Variants in CNTN6 observed in about 807,000 individuals in gnomAD.
The protein encoded by CNTN6 is contactin-6.
In CNTN6, 137 loss-of-function variants were observed where a neutral mutation model predicts 122.8. The ratio of observed to expected loss-of-function variants is 1.12; its 90% CI spans 0.97 to 1.29. CNTN6 has a LOEUF of 1.29. Among genes scored for constraint, CNTN6 ranks in the 50% most tolerant of loss-of-function variants. The pLI, the probability that CNTN6 is intolerant of heterozygous loss-of-function variation, is 0.00. For synonymous variants in CNTN6, 570 were observed against 426.0 expected, an observed-to-expected ratio of 1.34 and a Z score of -4.16; for missense variants, 1,634 against 1,223.4, an observed-to-expected ratio of 1.34 and a Z score of -5.01.
At chr3:1,260,261 G>A (rs1041886038) in intron 4 of CNTN6, among the ~76,000 whole-genome samples, 16 of 152,028 alleles carry the variant, frequency 1.1e-4, no homozygotes, top group Admixed American at 6.6e-4. Context: ...GTTTGTTTTC[G>A]GGAGTCAATT....
intron 4 of CNTN6, among the ~76,000 whole-genome samples, chr3:1,258,399 G>A (rs923863281): frequency 6.6e-6 from 1 of 152,030 alleles, no homozygotes; most frequent in East Asian, 1.9e-4. Flanking sequence ...TCAAAGCTTA[G>A]CAATAAAATA....
intron 11 of CNTN6, among the ~76,000 whole-genome samples, chr3:1,345,140 A>G (rs1206776803): frequency 6.7e-6 from 1 of 149,442 alleles, no homozygotes; most frequent in East Asian, 2.0e-4. Flanking sequence ...TTTTTGAGAC[A>G]GGGTCTCACT....
chr3:1,337,945 A>G (rs1018402518), intron 11 of CNTN6, among the ~76,000 whole-genome samples: 2 of 151,876 alleles, frequency 1.3e-5, no homozygotes, highest in Admixed American at 6.6e-5. Flanking sequence ...TGGGGCACTC[A>G]CCTTTCACAC....
At chr3:1,157,767 G>GTGCC (rs1261745734) in intron 2 of CNTN6, among the ~76,000 whole-genome samples, 1 of 151,770 alleles carries the variant, frequency 6.6e-6, no homozygotes, top group Non-Finnish European at 1.5e-5. Flanking sequence ...TTGTCTTTCT[G>GTGCC]TGCCTGACTT....
intron 4 of CNTN6, among the ~76,000 whole-genome samples, chr3:1,253,092 A>G (rs1015694442): frequency 2.0e-5 from 3 of 152,050 alleles, no homozygotes; most frequent in African/African-American, 7.2e-5. Context: ...ATCCTCTTTT[A>G]TTTTGCCAGC....
chr3:1,199,563 T>C (rs949962538), intron 2 of CNTN6, among the ~76,000 whole-genome samples: 2 of 152,180 alleles, frequency 1.3e-5, no homozygotes, highest in African/African-American at 4.8e-5. Context: ...TATTTTTAAA[T>C]GGCTATTTGA....
intron 19 of CNTN6, among the ~76,000 whole-genome samples, chr3:1,384,859 G>C (rs17193397): frequency 0.52 from 75,896 of 145,968 alleles, 20,885 homozygotes; most frequent in East Asian, 0.81. Flanking sequence ...CCAACAGAAA[G>C]TTCTACTCTC....
intron 1 of CNTN6, among the ~76,000 whole-genome samples, chr3:1,102,544 C>T (rs2090964831): frequency 6.6e-6 from 1 of 150,810 alleles, no homozygotes; most frequent in Admixed American, 6.6e-5. Context: ...TCCTGGCTAA[C>T]ACGGTGAAAC....
At chr3:1,403,142 T>G (rs895730990) in intron 22 of CNTN6, among the ~76,000 whole-genome samples, 176 bp from the exon 23 acceptor site, 2 of 152,110 alleles carry the variant, frequency 1.3e-5, no homozygotes, top group Non-Finnish European at 2.9e-5. Context: ...TCAGATGTCC[T>G]TGGACAAAGA....
intron 4 of CNTN6, among the ~76,000 whole-genome samples, chr3:1,248,333 T>A (rs974185621): frequency 2.0e-5 from 3 of 152,340 alleles, no homozygotes; most frequent in South Asian, 2.1e-4. Flanking sequence ...AGTTCTGTGA[T>A]GTTGATCACA....
At chr3:1,250,617 C>G (rs1045684494) in intron 4 of CNTN6, among the ~76,000 whole-genome samples, 1 of 152,122 alleles carries the variant, frequency 6.6e-6, no homozygotes. Context: ...CCCTCATTGC[C>G]CAAACCTTCA....
At chr3:1,154,631 C>T (rs575991249) in intron 2 of CNTN6, among the ~76,000 whole-genome samples, 44 of 151,920 alleles carry the variant, frequency 2.9e-4, no homozygotes, top group African/African-American at 8.2e-4. Flanking sequence ...TTAGTAGAGA[C>T]GGGGTTTCTC....
intron 2 of CNTN6, among the ~76,000 whole-genome samples, chr3:1,181,295 C>T (rs1258133885): frequency 2.0e-5 from 3 of 152,160 alleles, no homozygotes; most frequent in African/African-American, 4.8e-5. Flanking sequence ...CACTTACTCA[C>T]ATCCCATGAA....
chr3:1,195,855 T>C (rs2093769468), intron 2 of CNTN6, among the ~76,000 whole-genome samples: 1 of 152,170 alleles, frequency 6.6e-6, no homozygotes, highest in Non-Finnish European at 1.5e-5. Flanking sequence ...ACCTTCTGTG[T>C]TCCATACGAG....
intron 1 of CNTN6, among the ~76,000 whole-genome samples, chr3:1,137,624 C>T (rs1207373265): frequency 6.6e-6 from 1 of 152,062 alleles, no homozygotes; most frequent in Non-Finnish European, 1.5e-5. Context: ...CTAAGCATCT[C>T]ATGGAAAAAA....
At chr3:1,262,257 A>G (rs2094857854) in intron 4 of CNTN6, among the ~76,000 whole-genome samples, 1 of 152,166 alleles carries the variant, frequency 6.6e-6, no homozygotes, top group Admixed American at 6.6e-5. Context: ...TGTGGCTAGG[A>G]TAAGCCAAAG....
intron 7 of CNTN6, among the ~76,000 whole-genome samples, chr3:1,318,139 AG>A (rs930395781): frequency 1.3e-5 from 2 of 150,908 alleles, no homozygotes; most frequent in African/African-American, 4.9e-5. Flanking sequence ...AGAAAGAAAA[AG>A]AAAGAAAATT....
intron 1 of CNTN6, among the ~76,000 whole-genome samples, chr3:1,100,421 G>A (rs930784461): frequency 3.9e-5 from 6 of 152,026 alleles, no homozygotes; most frequent in South Asian, 2.1e-4. Context: ...CTTTTCACTC[G>A]GACAGATTTT....
chr3:1,321,713 C>T lies in CNTN6; in HGVS notation c.825C>T (p.Tyr275=). The stretch of plus-strand genomic sequence containing the variant: ...GCCCGTTGCCAGGGAAAGTCAAGTA[C>T]AGCAAATCCCAAGCTATCCTTGAAA... ...DGSPLPGKVK[Y]SKSQAILEIP... Residue 275 remains tyrosine (Y), a synonymous_variant, in exon 8 of 23, where the codon TAC becomes TAT. Coordinates refer to ENST00000446702, the MANE Select transcript of CNTN6 (RefSeq NM_001289080.2). 4 of 1,611,776 alleles carry T rather than the reference C, an allele frequency of 2.5e-6. No individual in the cohort carries two copies. Among genetic ancestry groups the T allele is most frequent in the Non-Finnish European group, 2.5e-6 (3 of 1,178,572 alleles).
Sources: gnomAD v4.1 joint callset for allele counts (sites outside exome capture counted in the v4.1 genomes callset) on GRCh38, gnomAD v4.1.1 for gene constraint, MANE v1.5 for transcripts, NCBI Gene and HGNC (gene_info 2026-07-23, HGNC 2026-07-21) for gene names.